Variants in KPNA4 observed in about 807,000 individuals in gnomAD.
KPNA4 encodes the protein karyopherin subunit alpha 4.
In KPNA4, 13 loss-of-function variants were observed where a neutral mutation model predicts 71.3. That is an observed-to-expected ratio of 0.18 (90% CI 0.12 to 0.29). The LOEUF is 0.29. Ranked by LOEUF, KPNA4 falls within the 10% of genes least tolerant of loss-of-function variation. KPNA4 has a pLI of 1.00. For missense variants in KPNA4, 334 were observed against 603.2 expected, an observed-to-expected ratio of 0.55 and a Z score of 4.67; for synonymous variants, 189 against 195.2, an observed-to-expected ratio of 0.97 and a Z score of 0.26.
intron 1 of KPNA4, among the ~76,000 whole-genome samples, chr3:160,564,836 A>C (rs1722307277): frequency 6.6e-6 from 1 of 151,194 alleles, no homozygotes; most frequent in Non-Finnish European, 1.5e-5. Flanking sequence ...GAGAGCCGGA[A>C]TCTCCGCCAC....
At chr3:160,520,259 T>C (rs1353495565) in intron 11 of KPNA4, among the ~76,000 whole-genome samples, 3 of 151,828 alleles carry the variant, frequency 2.0e-5, no homozygotes, top group Non-Finnish European at 4.4e-5. Context: ...GTTTTTTCTT[T>C]TTTTTTTTAT....
intron 5 of KPNA4, 131 bp downstream of exon 5, chr3:160,535,382 A>T: frequency 1.8e-6 from 1 of 556,028 alleles, no homozygotes; most frequent in South Asian, 3.4e-5. Flanking sequence ...AATTTAGTTG[A>T]TCTATTACTA....
intron 14 of KPNA4, 54 bp downstream of exon 14, chr3:160,509,746 C>T (rs1249640433): frequency 8.9e-6 from 10 of 1,117,666 alleles, no homozygotes; most frequent in Non-Finnish European, 1.4e-5. Flanking sequence ...TCAATATTAC[C>T]TGTACTTTTA....
At chr3:160,528,237 G>A (rs914605843) in intron 7 of KPNA4, among the ~76,000 whole-genome samples, 198 bp from the exon 8 acceptor site, 1 of 151,890 alleles carries the variant, frequency 6.6e-6, no homozygotes, top group African/African-American at 2.4e-5. Context: ...GTATCAAAAT[G>A]AGTTATCCAG....
Position 160,495,270 on chromosome 3 carries a change from T to C in KPNA4, c.*6834A>G, listed in dbSNP as rs1720732356. 6.6e-6 allele frequency: 1 copy of C among 152,218 alleles called. No individual in the cohort carries two copies. Among genetic ancestry groups the C allele is most frequent in the African/African-American group, 2.4e-5 (1 of 41,448 alleles). 9.4% of individuals were successfully genotyped at this position (152,218 alleles called of 1,614,324 possible). A position where few individuals can be genotyped will look rare whatever the true frequency, so the allele number is the denominator to read the frequency against. On this transcript the variant is annotated 3_prime_UTR_variant, in exon 17 of 17. Coordinates refer to ENST00000334256, the MANE Select transcript of KPNA4 (RefSeq NM_002268.5). ...GGTAGGCCTGGATATACTCCTGACTTCTTGAAGGAGTAAATATCTAGAATA... is the reference window on the plus strand; with the variant it reads ...GGTAGGCCTGGATATACTCCTGACTCCTTGAAGGAGTAAATATCTAGAATA...
intron 8 of KPNA4, among the ~76,000 whole-genome samples, chr3:160,527,037 T>C (rs1266677725): frequency 1.3e-5 from 2 of 152,228 alleles, no homozygotes; most frequent in Non-Finnish European, 2.9e-5. Context: ...TTTACTTTCA[T>C]GTTGGCCCTG....
intron 1 of KPNA4, among the ~76,000 whole-genome samples, chr3:160,560,954 C>A (rs1235926161): frequency 1.3e-5 from 2 of 151,956 alleles, no homozygotes; most frequent in Non-Finnish European, 2.9e-5. Context: ...AGACTTAATA[C>A]CTTAACAATG....
At position 160,513,199 on chromosome 3, in the gene KPNA4, C is replaced by G. The variant is rs11719107; in HGVS notation, c.1137+878G>C. ...AACAGATTTATCTTCTCTTTAATTA[C>G]AGATCAGTGTTCAGAACCCTCATGC... is the stretch of plus-strand genomic sequence containing the variant. On this transcript the variant is annotated intron_variant, in intron 13 of 16. Transcript: ENST00000334256. Among the ~76,000 whole-genome samples the G allele has an allele frequency of 3.6e-3, 542 of 149,654 alleles. 1 individual carries two copies. Among genetic ancestry groups the G allele is most frequent in the Non-Finnish European group, 6.3e-3 (424 of 67,636 alleles).
Position 160,500,883 on chromosome 3 carries a change from T to C in KPNA4, c.*1221A>G, listed in dbSNP as rs562255165. On this transcript the variant is annotated 3_prime_UTR_variant, in exon 17 of 17. Coordinates refer to ENST00000334256, the MANE Select transcript of KPNA4 (RefSeq NM_002268.5). ...ATAGAAAACAAAGTTTGAAAACAAG[T>C]AACATTTAAACACAGCACGGTATTC... 1 of 152,726 alleles carries C rather than the reference T, an allele frequency of 6.5e-6. No homozygotes were observed. Among genetic ancestry groups the C allele is most frequent in the African/African-American group, 2.4e-5 (1 of 41,570 alleles). The allele number at this position is 152,726 out of a possible 1,614,324, so 9.5% of individuals were successfully genotyped here. A position where few individuals can be genotyped will look rare whatever the true frequency, so the allele number is the denominator to read the frequency against.
intron 10 of KPNA4, 142 bp from the exon 11 acceptor site, chr3:160,522,052 C>T: frequency 1.5e-6 from 1 of 682,168 alleles, no homozygotes; most frequent in Non-Finnish European, 2.4e-6. Flanking sequence ...AATCTGATCG[C>T]TACGGTATTA....
At chr3:160,532,999 C>T (rs766749013) in intron 5 of KPNA4, among the ~76,000 whole-genome samples, 2 of 152,164 alleles carry the variant, frequency 1.3e-5, no homozygotes, top group Admixed American at 1.3e-4. Context: ...AGGATTTATA[C>T]AGCATAGCCC....
intron 13 of KPNA4, among the ~76,000 whole-genome samples, chr3:160,513,655 T>C (rs2108545610): frequency 6.6e-6 from 1 of 152,344 alleles, no homozygotes; most frequent in South Asian, 2.1e-4. Context: ...TATTTGCTAT[T>C]TGATTTTGGA....
At chr3:160,507,872 C>T (rs1348035175) in intron 15 of KPNA4, among the ~76,000 whole-genome samples, 1 of 152,210 alleles carries the variant, frequency 6.6e-6, no homozygotes, top group Non-Finnish European at 1.5e-5. Flanking sequence ...GTCTTGTTTA[C>T]CACTGTCTTC....
intron 1 of KPNA4, among the ~76,000 whole-genome samples, chr3:160,546,529 A>C (rs1721913388): frequency 1.3e-5 from 2 of 152,338 alleles, no homozygotes; most frequent in African/African-American, 4.8e-5. Context: ...GAAAAAAAGA[A>C]GAATCTGTGA....
chr3:160,552,341 A>G (rs1722056721), intron 1 of KPNA4, among the ~76,000 whole-genome samples: 1 of 152,168 alleles, frequency 6.6e-6, no homozygotes. Context: ...TATTCCATAA[A>G]TTTATATAAT....
intron 15 of KPNA4, 108 bp downstream of exon 15, chr3:160,507,999 C>T: frequency 2.4e-6 from 2 of 832,340 alleles, no homozygotes; most frequent in Non-Finnish European, 3.7e-6. Flanking sequence ...TATTCTGTTA[C>T]TTGAATATCT....
intron 1 of KPNA4, among the ~76,000 whole-genome samples, chr3:160,537,814 T>G (rs1355396074): frequency 1.3e-5 from 2 of 151,750 alleles, no homozygotes; most frequent in Non-Finnish European, 2.9e-5. Flanking sequence ...TGTCAGCAAA[T>G]CCTGTTGGTT....
At chr3:160,538,023 T>C (rs1001835040) in intron 1 of KPNA4, among the ~76,000 whole-genome samples, 1 of 151,926 alleles carries the variant, frequency 6.6e-6, no homozygotes, top group African/African-American at 2.4e-5. Flanking sequence ...TCTTAATTTT[T>C]ATGTGCCATG....
intron 1 of KPNA4, among the ~76,000 whole-genome samples, chr3:160,543,371 C>T (rs935732496): frequency 2.0e-5 from 3 of 151,972 alleles, no homozygotes; most frequent in Non-Finnish European, 2.9e-5. Context: ...GACAGAATCT[C>T]ACTCTGTCAC....
Sources: gnomAD v4.1 joint callset for allele counts (sites outside exome capture counted in the v4.1 genomes callset) on GRCh38, gnomAD v4.1.1 for gene constraint, MANE v1.5 for transcripts, NCBI Gene and HGNC (gene_info 2026-07-23, HGNC 2026-07-21) for gene names.